The following PCDHGA5 variants were observed in gnomAD, a reference collection of about 807,000 sequenced individuals.
PCDHGA5 encodes protocadherin gamma-A5.
In PCDHGA5, 36 loss-of-function variants were observed where a neutral mutation model predicts 56.7. That is an observed-to-expected ratio of 0.64 (90% CI 0.49 to 0.84). The LOEUF is 0.84. Among genes scored for constraint, PCDHGA5 ranks in the 40% least tolerant of loss-of-function variants. The pLI is 0.00. For missense variants in PCDHGA5, 1,305 were observed against 1,201.5 expected (o/e 1.09, Z -1.27); for synonymous variants, 563 against 520.2 (o/e 1.08, Z -1.12).
intron 1 of PCDHGA5, among the ~76,000 whole-genome samples, chr5:141,379,851 T>G (rs1388767497): frequency 6.7e-6 from 1 of 148,750 alleles, no homozygotes; most frequent in Non-Finnish European, 1.5e-5. Context: ...AACTACCAAA[T>G]TATTGTCTTA....
intron 1 of PCDHGA5, chr5:141,383,745 G>A: frequency 6.2e-7 from 1 of 1,613,954 alleles, no homozygotes; most frequent in Non-Finnish European, 8.5e-7. Context: ...ATTCTTTTCG[G>A]AAAATAACTC....
intron 1 of PCDHGA5, chr5:141,420,239 C>G (rs984335177): frequency 1.3e-6 from 2 of 1,593,300 alleles, no homozygotes; most frequent in African/African-American, 2.7e-5. Flanking sequence ...CATTTTAACT[C>G]CCAGCGTTGA....
intron 1 of PCDHGA5, among the ~76,000 whole-genome samples, chr5:141,369,558 C>A (rs1389001825): frequency 6.6e-6 from 1 of 152,088 alleles, no homozygotes; most frequent in Non-Finnish European, 1.5e-5. Flanking sequence ...CACTTGGAAA[C>A]AAAGGAAAAG....
intron 1 of PCDHGA5, chr5:141,402,861 A>G (rs2094315270): frequency 7.0e-7 from 1 of 1,430,150 alleles, no homozygotes; most frequent in Non-Finnish European, 9.2e-7. Context: ...CTTCTAAGGA[A>G]AAGATCACCA....
Position 141,485,046 on chromosome 5 carries a change from G to A in PCDHGA5, c.2422-9761G>A. On this transcript the variant is annotated intron_variant, in intron 1 of 3. Transcript: ENST00000518069. This position sits in a 1 kb window ranked among gnomAD's most constrained non-coding sequence, Gnocchi z 5.7. ...AAAAACGGCGCGTAACCCTTGCGGCGCCGGCCGAACCGCGCCAGAGCTGGC... is the reference window on the plus strand; with the variant it reads ...AAAAACGGCGCGTAACCCTTGCGGCACCGGCCGAACCGCGCCAGAGCTGGC... 2 of 750,304 alleles carry A rather than the reference G, an allele frequency of 2.7e-6. No individual in the cohort carries two copies. The highest frequency in any genetic ancestry group is 4.5e-6 in the Non-Finnish European group (2 of 443,046). The allele number at this position is 750,304 out of a possible 1,614,324, so 46.5% of individuals were successfully genotyped here. A position where few individuals can be genotyped will look rare whatever the true frequency, so the allele number is the denominator to read the frequency against.
chr5:141,451,116 CCA>C (rs1257364243), intron 1 of PCDHGA5, among the ~76,000 whole-genome samples: 1 of 152,200 alleles, frequency 6.6e-6, no homozygotes, highest in Non-Finnish European at 1.5e-5. Context: ...GCGTGAGCCA[CCA>C]CACCCAGCCT....
At chr5:141,385,369 G>T in intron 1 of PCDHGA5, 1 of 1,532,174 alleles carries the variant, frequency 6.5e-7, no homozygotes, top group Admixed American at 2.2e-5. Context: ...TTATTTGCAT[G>T]ATATTTCTCT....
In PCDHGA5 at chr5:141,434,333, G is replaced by A. The variant is rs200059384; in HGVS notation, c.2422-60474G>A. On this transcript the variant is annotated intron_variant, in intron 1 of 3. Coordinates refer to ENST00000518069, the MANE Select transcript of PCDHGA5 (RefSeq NM_018918.3). The stretch of plus-strand genomic sequence containing the variant: ...TCTTCCTCTTGCTGCTTGTCTCTTT[G>A]TGTCGGGAACAGGCCCCCCAAAATC... Among the ~76,000 whole-genome samples, 23 of 152,220 alleles carry A rather than the reference G, an allele frequency of 1.5e-4. No individual in the cohort carries two copies. In the East Asian group the frequency reaches 4.3e-3, roughly 28 times the overall value.
At chr5:141,442,049 C>A in intron 1 of PCDHGA5, 2 of 202,550 alleles carry the variant, frequency 9.9e-6, no homozygotes, top group South Asian at 1.3e-4. Flanking sequence ...GCCTACTGGT[C>A]GCGGTGCACT....
In PCDHGA5 at chr5:141,511,774, T is replaced by C. The variant is rs1173144009; in HGVS notation, c.*601T>C. 6.2e-6 allele frequency: 1 copy of C among 160,350 alleles called. No homozygotes were observed. The highest frequency in any genetic ancestry group is 1.4e-5 in the Non-Finnish European group (1 of 72,132). The allele number at this position is 160,350 out of a possible 1,614,324, so 9.9% of individuals were successfully genotyped here. A position where few individuals can be genotyped will look rare whatever the true frequency, so the allele number is the denominator to read the frequency against. On this transcript the variant is annotated 3_prime_UTR_variant, in exon 4 of 4. Coordinates refer to ENST00000518069, the MANE Select transcript of PCDHGA5 (RefSeq NM_018918.3). ...ATGATCACCATCCCCATGGTACTGA[T>C]GCTTGCTGGATTTAGGGAGGGCATT...
In PCDHGA5 at chr5:141,409,864, C is replaced by A. The variant is rs772646188; in HGVS notation, c.2421+43113C>A. The A allele has an allele frequency of 1.9e-6, 3 of 1,612,574 alleles. No individual in the cohort carries two copies. The East Asian group carries it at 6.7e-5, about 36-fold the overall frequency. Reference sequence around the variant, plus strand: ...TGAGCCTGCGCGTGTTGGTGGGAGACCGCAATGACAACGCACCGCGGGTGC... The same window carrying A: ...TGAGCCTGCGCGTGTTGGTGGGAGAACGCAATGACAACGCACCGCGGGTGC... On this transcript the variant is annotated intron_variant, in intron 1 of 3. Transcript: ENST00000518069.
chr5:141,430,889 A>G, intron 1 of PCDHGA5: 1 of 1,605,270 alleles, frequency 6.2e-7, no homozygotes, highest in African/African-American at 1.3e-5. Flanking sequence ...GAAAGGCTCT[A>G]GGGTGGGCGA....
intron 1 of PCDHGA5, among the ~76,000 whole-genome samples, chr5:141,450,830 T>A (rs923422605): frequency 3.0e-5 from 3 of 101,548 alleles, no homozygotes; most frequent in African/African-American, 1.3e-4. Context: ...ATTATTATTA[T>A]TTTTTTTTTT....
intron 1 of PCDHGA5, chr5:141,408,761 G>A (rs1469424988): frequency 8.7e-6 from 14 of 1,610,446 alleles, no homozygotes; most frequent in Non-Finnish European, 1.2e-5. Flanking sequence ...AGTTAATTCC[G>A]ATGGTGGCAA....
In PCDHGA5 at chr5:141,432,571, G is replaced by A. The variant is rs776214748; in HGVS notation, c.2422-62236G>A. On this transcript the variant is annotated intron_variant, in intron 1 of 3. Coordinates refer to ENST00000518069, the MANE Select transcript of PCDHGA5 (RefSeq NM_018918.3). The surrounding 1 kb of genome is among the most constrained non-coding windows in gnomAD (Gnocchi z 6.0). ...GAGACTCCGGCCAGAACGCCTGGCT[G>A]TCCTACCGTCTGCTCAAGGCCAGCG... is the stretch of plus-strand genomic sequence containing the variant. 1.2e-6 allele frequency: 2 copies of A among 1,613,954 alleles called. No homozygotes were observed. Among genetic ancestry groups the A allele is most frequent in the South Asian group, 1.1e-5 (1 of 91,068 alleles).
rs762121534 is a variant in PCDHGA5, at chr5:141,403,984, A to G, written c.2421+37233A>G. 1.7e-5 allele frequency: 27 copies of G among 1,613,774 alleles called. No homozygotes were observed. The South Asian group carries it at 2.7e-4, about 16-fold the overall frequency. On this transcript the variant is annotated intron_variant, in intron 1 of 3. Coordinates refer to ENST00000518069, the MANE Select transcript of PCDHGA5 (RefSeq NM_018918.3). Reference sequence around the variant, plus strand: ...CGGTGGAAGATGTAAATGACAATAGACCTGAAGTGACCATTACATCTCTGT... The same window carrying G: ...CGGTGGAAGATGTAAATGACAATAGGCCTGAAGTGACCATTACATCTCTGT...
At position 141,459,173 on chromosome 5, in the gene PCDHGA5, AG is replaced by A. The variant is rs370401072; in HGVS notation, c.2422-35633del. Among the ~76,000 whole-genome samples the A allele has an allele frequency of 3.1e-3, 479 of 152,326 alleles. 10 individuals carry two copies. In the South Asian group the frequency reaches 0.063, roughly 20 times the overall value. ...ATAGAACATTTCTATAACCTTCAAA[AG>A]TTCCCTCATGCCCCTTTGCAATCAA... On this transcript the variant is annotated intron_variant, in intron 1 of 3. Coordinates refer to ENST00000518069, the MANE Select transcript of PCDHGA5 (RefSeq NM_018918.3).
chr5:141,504,755 T>A (rs953075905), intron 2 of PCDHGA5, among the ~76,000 whole-genome samples: 13 of 151,824 alleles, frequency 8.6e-5, no homozygotes, highest in Non-Finnish European at 1.5e-5. Flanking sequence ...ATTTTAGAAA[T>A]TTCTTCTCCC....
At chr5:141,425,842 T>G (rs2096897830) in intron 1 of PCDHGA5, among the ~76,000 whole-genome samples, 1 of 152,230 alleles carries the variant, frequency 6.6e-6, no homozygotes, top group Non-Finnish European at 1.5e-5. Context: ...TTCTCTTTGC[T>G]GGGTTAATGA....
Sources: allele counts gnomAD v4.1 joint callset (sites outside exome capture counted in the v4.1 genomes callset), GRCh38; gene constraint gnomAD v4.1.1; non-coding constraint Gnocchi (gnomAD v3.1); transcripts MANE v1.5; gene names NCBI Gene and HGNC (gene_info 2026-07-23, HGNC 2026-07-21).